Variants in YWHAG observed in about 807,000 individuals in gnomAD.
The protein encoded by YWHAG is tyrosine 3-monooxygenase/tryptophan 5-monooxygenase activation protein gamma, also known as 14-3-3 protein gamma.
In YWHAG, 1 loss-of-function variant was observed where a neutral mutation model predicts 23.3. The ratio of observed to expected loss-of-function variants is 0.04; its 90% confidence interval spans 0.02 to 0.20. YWHAG has a LOEUF of 0.20. Ranked by LOEUF, YWHAG falls within the 10% of genes least tolerant of loss-of-function variation. The pLI, the probability that YWHAG is intolerant of heterozygous loss-of-function variation, is 1.00. For synonymous variants in YWHAG, 160 were observed against 144.0 expected, an observed-to-expected ratio of 1.11 and a Z score of -0.80; for missense variants, 151 against 338.6, an observed-to-expected ratio of 0.45 and a Z score of 4.35.
intron 1 of YWHAG, among the ~76,000 whole-genome samples, chr7:76,341,298 G>C (rs918320229): frequency 2.6e-5 from 4 of 151,478 alleles, no homozygotes; most frequent in Non-Finnish European, 5.9e-5. Context: ...CAGCTACTCA[G>C]GAGGCTGAGA....
chr7:76,351,526 G>A (rs1015017662), intron 1 of YWHAG, among the ~76,000 whole-genome samples: 2 of 152,134 alleles, frequency 1.3e-5, no homozygotes, highest in African/African-American at 4.8e-5. Context: ...GGCCTGTCAC[G>A]AACCTGGCTG....
At chr7:76,349,870 T>G (rs908776788) in intron 1 of YWHAG, among the ~76,000 whole-genome samples, 7 of 152,294 alleles carry the variant, frequency 4.6e-5, no homozygotes, top group Admixed American at 6.5e-5. Context: ...GGTGGGCACC[T>G]GTAATCCCAG....
rs7780494 is a variant in YWHAG at position 76,356,886 on chromosome 7, C to T, written c.87+1836G>A. 8.4e-3 allele frequency among the ~76,000 whole-genome samples: 1,286 copies of T among 152,262 alleles called. 18 individuals carry two copies. Among genetic ancestry groups the T allele is most frequent in the African/African-American group, 0.03 (1,232 of 41,532 alleles). On this transcript the variant is annotated intron_variant, in intron 1 of 1. Coordinates refer to ENST00000307630, the MANE Select transcript of YWHAG (RefSeq NM_012479.4). ...AAGTGCTCGATTCCACCTGGCTTAT[C>T]GGCTAATTTCTGCATTACCTTGGAT...
intron 1 of YWHAG, among the ~76,000 whole-genome samples, chr7:76,330,691 A>G (rs1360389674): frequency 3.9e-5 from 6 of 152,210 alleles, no homozygotes; most frequent in Admixed American, 2.0e-4. Flanking sequence ...CTTTCTGCTC[A>G]TATGCCAACA....
At chr7:76,339,347 G>A (rs1803658578) in intron 1 of YWHAG, among the ~76,000 whole-genome samples, 1 of 152,292 alleles carries the variant, frequency 6.6e-6, no homozygotes, top group Middle Eastern at 3.4e-3. Flanking sequence ...ACGCACACCT[G>A]TAATCCCAGC....
rs977397920 is a variant in YWHAG at position 76,328,086 on chromosome 7, T to TTA, written c.*1489_*1490dup. The TTA allele has an allele frequency of 1.2e-4, 18 of 152,010 alleles. No homozygotes were observed. Among genetic ancestry groups the TTA allele is most frequent in the African/African-American group, 4.3e-4 (18 of 41,388 alleles). The allele number at this position is 152,010 out of a possible 1,614,324, so 9.4% of individuals were successfully genotyped here. On this transcript the variant is annotated 3_prime_UTR_variant, in exon 2 of 2. Transcript: ENST00000307630. ...TCTCGGGAGTTCCTCGTCACTGACT[T>TTA]TATATATATAAAAAAAAGAATGCAC... is the stretch of plus-strand genomic sequence containing the variant.
chr7:76,347,363 A>G (rs1210745708), intron 1 of YWHAG, among the ~76,000 whole-genome samples: 1 of 152,160 alleles, frequency 6.6e-6, no homozygotes, highest in Non-Finnish European at 1.5e-5. Context: ...TTGGGAGGCC[A>G]AGGCAGGTGG....
intron 1 of YWHAG, among the ~76,000 whole-genome samples, chr7:76,339,220 A>G (rs1803657093): frequency 8.3e-6 from 1 of 119,836 alleles, no homozygotes; most frequent in Non-Finnish European, 1.8e-5. Context: ...CTGTAATCCC[A>G]GCACTTTGGG....
In YWHAG at chr7:76,329,539, T is replaced by C; in HGVS notation, c.*38A>G. ...CATGGGAAAAAAATAAAGACTGCAG[T>C]AGTAGCATCCGCGTGCGCTGCCAGT... is the stretch of plus-strand genomic sequence containing the variant. On this transcript the variant is annotated 3_prime_UTR_variant, in exon 2 of 2. Transcript: ENST00000307630. This position sits in a 1 kb window ranked among gnomAD's most constrained non-coding sequence, Gnocchi z 6.1. 1 of 1,490,318 alleles carries C rather than the reference T, an allele frequency of 6.7e-7. No homozygotes were observed. Among genetic ancestry groups the C allele is most frequent in the Non-Finnish European group, 9.0e-7 (1 of 1,109,702 alleles). The allele number at this position is 1,490,318 out of a possible 1,614,324, so 92.3% of individuals were successfully genotyped here.
At chr7:76,343,013 T>C (rs1471883738) in intron 1 of YWHAG, among the ~76,000 whole-genome samples, 1 of 152,100 alleles carries the variant, frequency 6.6e-6, no homozygotes, top group Non-Finnish European at 1.5e-5. Flanking sequence ...GGCAGGCGCC[T>C]GTAATCCCAG....
At chr7:76,341,157 C>T (rs1440261409) in intron 1 of YWHAG, among the ~76,000 whole-genome samples, 1 of 152,174 alleles carries the variant, frequency 6.6e-6, no homozygotes, top group African/African-American at 2.4e-5. Context: ...CTTTAGGAGG[C>T]TGAAGCTGGC....
At position 76,328,169 on chromosome 7, in the gene YWHAG, G is replaced by A. The variant is rs1048805708; in HGVS notation, c.*1408C>T. ...CCCGAAATGAGAATGAGGGCCTTAA[G>A]GCTGCCGAAAACAAATGGGTGGAAA... is the stretch of plus-strand genomic sequence containing the variant. On this transcript the variant is annotated 3_prime_UTR_variant, in exon 2 of 2. Coordinates refer to ENST00000307630, the MANE Select transcript of YWHAG (RefSeq NM_012479.4). 2 of 152,100 alleles carry A rather than the reference G, an allele frequency of 1.3e-5. No homozygotes were observed. Among genetic ancestry groups the A allele is most frequent in the Non-Finnish European group, 2.9e-5 (2 of 68,030 alleles). 9.4% of individuals were successfully genotyped at this position (152,100 alleles called of 1,614,324 possible).
intron 1 of YWHAG, among the ~76,000 whole-genome samples, chr7:76,348,432 T>G (rs956285044): frequency 0.027 from 4,041 of 150,702 alleles, 200 homozygotes; most frequent in African/African-American, 0.093. Context: ...TTTTTTTTTT[T>G]TTTTTTTTTG....
intron 1 of YWHAG, among the ~76,000 whole-genome samples, chr7:76,354,209 G>A (rs568616715): frequency 6.6e-6 from 1 of 151,990 alleles, no homozygotes. Context: ...TGACTACCGA[G>A]CATAGAAAGT....
At chr7:76,337,694 C>A (rs1033873725) in intron 1 of YWHAG, among the ~76,000 whole-genome samples, 1 of 152,006 alleles carries the variant, frequency 6.6e-6, no homozygotes, top group South Asian at 2.1e-4. Flanking sequence ...ACCACCACAC[C>A]CAGCTAAACT....
intron 1 of YWHAG, among the ~76,000 whole-genome samples, chr7:76,334,251 C>G (rs977864736): frequency 6.6e-6 from 1 of 152,154 alleles, no homozygotes; most frequent in African/African-American, 2.4e-5. Context: ...AAGAGATCCC[C>G]ACCATATTAG....
rs1803490306 is a variant in YWHAG at position 76,328,604 on chromosome 7, G to GT, written c.*972dup. Reference sequence around the variant, plus strand: ...ACGAGGCGCAGTAGGAAACGCCCCAGTGCAGAGTGGGTGACGGCAGTGTGA... The same window carrying GT: ...ACGAGGCGCAGTAGGAAACGCCCCAGTTGCAGAGTGGGTGACGGCAGTGTGA... On this transcript the variant is annotated 3_prime_UTR_variant, in exon 2 of 2. Coordinates refer to ENST00000307630, the MANE Select transcript of YWHAG (RefSeq NM_012479.4). The GT allele has an allele frequency of 6.6e-6, 1 of 152,238 alleles. No individual in the cohort carries two copies. Among genetic ancestry groups the GT allele is most frequent in the African/African-American group, 2.4e-5 (1 of 41,454 alleles). 9.4% of individuals were successfully genotyped at this position (152,238 alleles called of 1,614,324 possible).
chr7:76,347,797 T>C (rs1803805405), intron 1 of YWHAG, among the ~76,000 whole-genome samples: 1 of 152,232 alleles, frequency 6.6e-6, no homozygotes, highest in African/African-American at 2.4e-5. Context: ...GATCTGTTTC[T>C]TTTGAGTGAG....
intron 1 of YWHAG, among the ~76,000 whole-genome samples, chr7:76,347,591 A>C (rs997970955): frequency 1.2e-5 from 1 of 84,830 alleles, no homozygotes; most frequent in Admixed American, 1.2e-4. Flanking sequence ...AGTGTCAGCA[A>C]ACAAACAAAC....
Sources: allele counts gnomAD v4.1 joint callset (sites outside exome capture counted in the v4.1 genomes callset), GRCh38; gene constraint gnomAD v4.1.1; non-coding constraint Gnocchi (gnomAD v3.1); transcripts MANE v1.5; gene names NCBI Gene and HGNC (gene_info 2026-07-23, HGNC 2026-07-21).